The following MPC1 variants were observed in gnomAD, a reference collection of about 807,000 sequenced individuals.
MPC1 encodes HSPC040 protein.
In MPC1, 6 loss-of-function variants were observed where a neutral mutation model predicts 13.9. The ratio of observed to expected loss-of-function variants is 0.43; its 90% CI spans 0.24 to 0.85. MPC1 has a LOEUF of 0.85. Ranked by LOEUF, MPC1 falls within the 40% of genes least tolerant of loss-of-function variation. The pLI is 0.24. For synonymous variants in MPC1, 47 were observed against 50.5 expected, an observed-to-expected ratio of 0.93 and a Z score of 0.29; for missense variants, 115 against 143.3, an observed-to-expected ratio of 0.80 and a Z score of 1.01.
chr6:166,365,157 T>C lies in MPC1; in HGVS notation c.*272A>G, dbSNP rs1388688625. The stretch of plus-strand genomic sequence containing the variant: ...ATTAAGTAAATTCTAATAGATGATA[T>C]ACATATTACTGCAGATAAAACCATC... On this transcript the variant is annotated 3_prime_UTR_variant, in exon 5 of 5. Transcript: ENST00000360961. The surrounding 1 kb of genome is among the most constrained non-coding windows in gnomAD (Gnocchi z 4.2). 2 of 312,148 alleles carry C rather than the reference T, an allele frequency of 6.4e-6. No individual in the cohort carries two copies. The highest frequency in any genetic ancestry group is 1.0e-4 in the East Asian group (2 of 19,264). The allele number at this position is 312,148 out of a possible 1,614,324, so 19.3% of individuals were successfully genotyped here.
chr6:166,371,722 G>A (rs534996996), intron 1 of MPC1, among the ~76,000 whole-genome samples: 92 of 152,096 alleles, frequency 6.0e-4, no homozygotes, highest in African/African-American at 2.1e-3. Context: ...TGGATAATAC[G>A]GAACCCTATA....
At chr6:166,369,133 G>A (rs1227265963) in intron 2 of MPC1, among the ~76,000 whole-genome samples, 2 of 152,220 alleles carry the variant, frequency 1.3e-5, no homozygotes, top group Non-Finnish European at 2.9e-5. Flanking sequence ...GCCGGGCATG[G>A]TGGCTCACAC....
At chr6:166,382,684 C>A (rs1399422218) in intron 1 of MPC1, 122 bp downstream of exon 1, 4 of 1,039,936 alleles carry the variant, frequency 3.8e-6, no homozygotes, top group Non-Finnish European at 2.6e-6. Flanking sequence ...TCGCCTGGGC[C>A]CCGGCCCACC....
chr6:166,367,332 G>A lies in MPC1; in HGVS notation c.76-441C>T, dbSNP rs181692044. 141 of 308,780 alleles carry A rather than the reference G, an allele frequency of 4.6e-4. 2 individuals carry two copies. In the Admixed American group the frequency reaches 7.6e-3, roughly 17 times the overall value. The allele number at this position is 308,780 out of a possible 1,614,324, so 19.1% of individuals were successfully genotyped here. ...TTCCCAAATTTTTATGAAGATATTT[G>A]TTAATAATTCTTAAAATGCAGACCC... is the stretch of plus-strand genomic sequence containing the variant. On this transcript the variant is annotated intron_variant, in intron 2 of 4. Transcript: ENST00000360961.
At chr6:166,377,019 G>T (rs1463231236) in intron 1 of MPC1, among the ~76,000 whole-genome samples, 2 of 151,056 alleles carry the variant, frequency 1.3e-5, no homozygotes, top group Non-Finnish European at 3.0e-5. Context: ...TGTTGTCCTT[G>T]TTCTTTGTTC....
intron 1 of MPC1, among the ~76,000 whole-genome samples, chr6:166,370,528 T>C (rs1408431824): frequency 6.6e-6 from 1 of 152,208 alleles, no homozygotes; most frequent in East Asian, 1.9e-4. Flanking sequence ...GCCACGTACG[T>C]AATTTACAAC....
chr6:166,376,178 G>GTATA (rs911863065), intron 1 of MPC1, among the ~76,000 whole-genome samples: 3 of 140,966 alleles, frequency 2.1e-5, no homozygotes, highest in African/African-American at 5.1e-5. Flanking sequence ...GTGTGTGTGT[G>GTATA]TATATATATA....
intron 2 of MPC1, chr6:166,368,808 T>C: frequency 1.0e-6 from 1 of 985,646 alleles, no homozygotes. Context: ...GATCTTCCTT[T>C]TCCTCCTTTT....
chr6:166,367,119 A>C, intron 2 of MPC1: 3 of 1,352,868 alleles, frequency 2.2e-6, no homozygotes, highest in Non-Finnish European at 1.9e-6. Context: ...AGAGCTAGAA[A>C]GGGTTTGGCA....
At chr6:166,368,328 C>A (rs1276064879) in intron 2 of MPC1, among the ~76,000 whole-genome samples, 1 of 152,090 alleles carries the variant, frequency 6.6e-6, no homozygotes, top group Non-Finnish European at 1.5e-5. Flanking sequence ...GAGGCTGAGG[C>A]GGGTGGATCA....
chr6:166,375,745 A>G (rs1231970205), intron 1 of MPC1, among the ~76,000 whole-genome samples: 2 of 152,206 alleles, frequency 1.3e-5, no homozygotes, highest in Non-Finnish European at 2.9e-5. Flanking sequence ...ATTCCAAAGC[A>G]CACACCATAT....
intron 1 of MPC1, among the ~76,000 whole-genome samples, chr6:166,376,924 A>G (rs183608190): frequency 1.6e-3 from 248 of 152,266 alleles, no homozygotes; most frequent in African/African-American, 5.7e-3. Flanking sequence ...ATGTCTTTTA[A>G]TTGGTACTTT....
At chr6:166,377,613 T>G (rs1209936534) in intron 1 of MPC1, among the ~76,000 whole-genome samples, 1 of 152,178 alleles carries the variant, frequency 6.6e-6, no homozygotes, top group East Asian at 1.9e-4. Context: ...GGGATAAAAT[T>G]TTGAGATATT....
At chr6:166,369,612 C>T (rs567578670) in intron 2 of MPC1, 1 of 161,800 alleles carries the variant, frequency 6.2e-6, no homozygotes, top group East Asian at 1.9e-4. Context: ...GTTTATAATG[C>T]ATCTTTTCTA....
At chr6:166,379,368 C>A (rs1023482327) in intron 1 of MPC1, among the ~76,000 whole-genome samples, 2 of 152,118 alleles carry the variant, frequency 1.3e-5, no homozygotes, top group Non-Finnish European at 2.9e-5. Flanking sequence ...ATTGTGCACA[C>A]CTGTAGCCCT....
At chr6:166,380,946 A>G (rs796741021) in intron 1 of MPC1, among the ~76,000 whole-genome samples, 13 of 146,980 alleles carry the variant, frequency 8.8e-5, no homozygotes, top group African/African-American at 2.9e-4. Flanking sequence ...TCTCAAAAAA[A>G]AAAAAAAAAA....
At chr6:166,367,870 A>G (rs895082173) in intron 2 of MPC1, among the ~76,000 whole-genome samples, 1 of 152,238 alleles carries the variant, frequency 6.6e-6, no homozygotes, top group African/African-American at 2.4e-5. Flanking sequence ...ACGAGGGGTT[A>G]AAATCCAAAG....
At chr6:166,375,260 G>A (rs1187250474) in intron 1 of MPC1, among the ~76,000 whole-genome samples, 3 of 152,144 alleles carry the variant, frequency 2.0e-5, no homozygotes, top group African/African-American at 2.4e-5. Context: ...GATGGCATGA[G>A]ATTTCATCAT....
intron 1 of MPC1, among the ~76,000 whole-genome samples, chr6:166,380,402 C>T (rs921159688): frequency 1.3e-5 from 2 of 152,076 alleles, no homozygotes; most frequent in African/African-American, 4.8e-5. Flanking sequence ...AACACTGTTC[C>T]GAGTAATGCA....
Sources: gnomAD v4.1 joint callset for allele counts (sites outside exome capture counted in the v4.1 genomes callset) on GRCh38, gnomAD v4.1.1 for gene constraint, Gnocchi (gnomAD v3.1) non-coding constraint, MANE v1.5 for transcripts, NCBI Gene and HGNC (gene_info 2026-07-23, HGNC 2026-07-21) for gene names.